Variants in ZNF726 observed in about 807,000 individuals in gnomAD.
ZNF726 encodes zinc finger protein 92 pseudogene 3.
A neutral mutation model predicts 11.6 loss-of-function variants in ZNF726; 15 were observed. The ratio of observed to expected loss-of-function variants is 1.29; its 90% CI spans 0.86 to 1.99. The LOEUF is 1.99. ZNF726 is among the 30% of genes most tolerant of loss of function. ZNF726 has a pLI of 0.00. For synonymous variants in ZNF726, 295 were observed against 243.6 expected (o/e 1.21, Z -1.96); for missense variants, 890 against 725.6 (o/e 1.23, Z -2.60).
Position 23,919,990 on chromosome 19 carries a change from T to G in ZNF726, c.134T>G (p.Ile45Ser). 1 of 1,571,790 alleles carries G rather than the reference T, an allele frequency of 6.4e-7. No homozygotes were observed. The highest frequency in any genetic ancestry group is 1.1e-5 in the South Asian group (1 of 89,038). The change falls in exon 3 of 4, where the codon ATT becomes AGT. Residue 45 changes from isoleucine to serine, a missense_variant. Transcript: ENST00000594466. ...TTAATTATTTTTAATAAAACAGGTA[T>G]TGCTGTCTCTAAGCCAGACCTCATC... ...ENYRNLAFLGIAVSKPDLIIC... is the reference protein window; with the variant it reads ...ENYRNLAFLGSAVSKPDLIIC...
In ZNF726 at chr19:23,933,024, A is replaced by G. The variant is rs1245231098; in HGVS notation, c.908A>G (p.His303Arg). 8 of 1,613,324 alleles carry G rather than the reference A, an allele frequency of 5.0e-6. No individual in the cohort carries two copies. The highest frequency in any genetic ancestry group is 1.3e-5 in the African/African-American group (1 of 75,042). ...AFSQPSALTI[H>R]KRMHIGEKPY... The stretch of plus-strand genomic sequence containing the variant: ...AGCCAACCCTCAGCACTAACCATAC[A>G]TAAGAGGATGCACATTGGAGAGAAA... Residue 303 changes from histidine to arginine, a missense_variant, in exon 4 of 4, where the codon CAT becomes CGT. By Grantham distance (29) the His-to-Arg change is conservative. Coordinates refer to ENST00000594466, the MANE Select transcript of ZNF726 (RefSeq NM_001244038.2).
chr19:23,917,830 A>C (rs1967742068), intron 1 of ZNF726, among the ~76,000 whole-genome samples: 1 of 149,782 alleles, frequency 6.7e-6, no homozygotes, highest in South Asian at 2.1e-4. Flanking sequence ...TAACAGTTTT[A>C]GTTTCAAAAA....
chr19:23,917,166 G>A (rs1314023973), intron 1 of ZNF726, among the ~76,000 whole-genome samples: 1 of 152,168 alleles, frequency 6.6e-6, no homozygotes, highest in African/African-American at 2.4e-5. Flanking sequence ...AGCCAGGCTG[G>A]TGTCAAACTT....
chr19:23,919,249 A>T, intron 1 of ZNF726, 124 bp from the exon 2 acceptor site: 1 of 1,443,654 alleles, frequency 6.9e-7, no homozygotes, highest in Non-Finnish European at 9.3e-7. Context: ...ATTTTATTGG[A>T]TAATTTCAGT....
chr19:23,926,089 A>C (rs1967980152), intron 3 of ZNF726, among the ~76,000 whole-genome samples: 4 of 152,054 alleles, frequency 2.6e-5, no homozygotes, highest in African/African-American at 9.6e-5. Context: ...ATTTTCACCC[A>C]TTTTCTAGAA....
rs536049508 is a variant in ZNF726, at chr19:23,920,106, A to T, written c.226+24A>T. The T allele has an allele frequency of 5.3e-5, 79 of 1,501,006 alleles. 3 individuals are homozygous for T. The South Asian group carries it at 7.4e-4, about 14-fold the overall frequency. 93.0% of individuals were successfully genotyped at this position (1,501,006 alleles called of 1,614,324 possible). A position where few individuals can be genotyped will look rare whatever the true frequency, so the allele number is the denominator to read the frequency against. Reference sequence around the variant, plus strand: ...AGGTAGGTGAGAGTGAATACAACAGATGACCTGGATGAGAGGTCCAACGTC... The same window carrying T: ...AGGTAGGTGAGAGTGAATACAACAGTTGACCTGGATGAGAGGTCCAACGTC... On this transcript the variant is annotated intron_variant, in intron 3 of 3. Coordinates refer to ENST00000594466, the MANE Select transcript of ZNF726 (RefSeq NM_001244038.2).
At position 23,914,926 on chromosome 19, in the gene ZNF726, A is replaced by G. The variant is rs540890239; in HGVS notation, c.-69A>G. ...CGGAGCTCCAGGTCTCGTCCTCACT[A>G]CTCTGTGTCTTCTGCTTTTAGGGGC... is the stretch of plus-strand genomic sequence containing the variant. On this transcript the variant is annotated 5_prime_UTR_variant, in exon 1 of 4. Coordinates refer to ENST00000594466, the MANE Select transcript of ZNF726 (RefSeq NM_001244038.2). The G allele has an allele frequency of 2.1e-5, 33 of 1,609,328 alleles. No homozygotes were observed. The highest frequency in any genetic ancestry group is 1.8e-4 in the East Asian group (8 of 44,770).
downstream of ZNF726, chr19:23,935,357 T>G (rs773297391): frequency 1.9e-6 from 1 of 528,606 alleles, no homozygotes; most frequent in South Asian, 1.4e-5. Context: ...ATAAGAAAAT[T>G]CATGCTGGAC....
At chr19:23,924,345 T>C (rs1568376574) in intron 3 of ZNF726, among the ~76,000 whole-genome samples, 2 of 152,188 alleles carry the variant, frequency 1.3e-5, no homozygotes, top group Admixed American at 6.5e-5. Flanking sequence ...TGAGCCGCCT[T>C]GCCTGGCCTC....
rs750583493 is a variant in ZNF726, at chr19:23,919,368, T to C, written c.4-5T>C. ...TAAATATGTGTGTTTGTGTGTATTT[T>C]CCAGGGACTGTTGACATTTAGGGAT... On this transcript the variant is annotated splice_region_variant and splice_polypyrimidine_tract_variant and intron_variant, in intron 1 of 3. Coordinates refer to ENST00000594466, the MANE Select transcript of ZNF726 (RefSeq NM_001244038.2). 2.6e-4 allele frequency: 420 copies of C among 1,603,826 alleles called. 1 individual carries two copies. Among genetic ancestry groups the C allele is most frequent in the Non-Finnish European group, 3.3e-4 (392 of 1,173,862 alleles).
downstream of ZNF726, chr19:23,935,428 CAGATA>C (rs762331855): frequency 1.9e-5 from 10 of 520,666 alleles, no homozygotes; most frequent in Admixed American, 5.9e-5. Flanking sequence ...CATCTTACTA[CAGATA>C]AGATAACTCA....
downstream of ZNF726, chr19:23,935,228 G>A: frequency 2.2e-6 from 1 of 452,364 alleles, no homozygotes; most frequent in Non-Finnish European, 4.5e-6. Flanking sequence ...TGGAATGTGG[G>A]AAATCTTTTA....
downstream of ZNF726, among the ~76,000 whole-genome samples, chr19:23,937,006 G>C (rs936139164): frequency 1.3e-5 from 2 of 151,928 alleles, no homozygotes; most frequent in African/African-American, 4.8e-5. Flanking sequence ...GCCGGGCAGA[G>C]GGGCTCCTCA....
chr19:23,932,673 C>T lies in ZNF726; in HGVS notation c.557C>T (p.Ser186Leu), dbSNP rs747520639. Reference protein sequence around the residue: ...KNCVKSFCMFSHKTQHKSIYT... With the variant: ...KNCVKSFCMFLHKTQHKSIYT... ...TGTGTCAAATCATTTTGCATGTTTT[C>T]ACACAAAACCCAGCATAAAAGCATA... The change falls in exon 4 of 4, where the codon TCA (serine) becomes TTA (leucine). Residue 186 changes from serine to leucine, a missense_variant. Coordinates refer to ENST00000594466, the MANE Select transcript of ZNF726 (RefSeq NM_001244038.2). 13 of 1,585,712 alleles carry T rather than the reference C, an allele frequency of 8.2e-6. No homozygotes were observed. The highest frequency in any genetic ancestry group is 1.1e-5 in the Non-Finnish European group (13 of 1,169,954).
chr19:23,917,000 G>T (rs942591692), intron 1 of ZNF726, among the ~76,000 whole-genome samples: 2 of 152,172 alleles, frequency 1.3e-5, no homozygotes, highest in African/African-American at 4.8e-5. Context: ...ACCCAGGCTG[G>T]AGTAAAGTGG....
At chr19:23,917,182 C>T (rs1012901724) in intron 1 of ZNF726, among the ~76,000 whole-genome samples, 5 of 152,168 alleles carry the variant, frequency 3.3e-5, no homozygotes, top group African/African-American at 1.2e-4. Flanking sequence ...AACTTCTGGC[C>T]TCAAGTGACT....
intron 3 of ZNF726, among the ~76,000 whole-genome samples, chr19:23,941,169 C>T (rs906578358): frequency 1.3e-5 from 2 of 152,086 alleles, no homozygotes; most frequent in African/African-American, 4.8e-5. Context: ...GCCAACTTTG[C>T]TGAGAGTTTT....
downstream of ZNF726, among the ~76,000 whole-genome samples, chr19:23,938,589 GTTTT>G (rs1014943663): frequency 7.0e-6 from 1 of 142,380 alleles, no homozygotes; most frequent in Non-Finnish European, 1.5e-5. Flanking sequence ...TCGTTTAATA[GTTTT>G]TTTTTCTTTT....
chr19:23,930,426 C>T (rs1281373439), intron 3 of ZNF726, among the ~76,000 whole-genome samples: 1 of 151,840 alleles, frequency 6.6e-6, no homozygotes, highest in Non-Finnish European at 1.5e-5. Context: ...GGTATGCTAC[C>T]ACACATCCAT....
Sources: allele counts gnomAD v4.1 joint callset (sites outside exome capture counted in the v4.1 genomes callset), GRCh38; gene constraint gnomAD v4.1.1; transcripts MANE v1.5; gene names NCBI Gene and HGNC (gene_info 2026-07-23, HGNC 2026-07-21).